Variants in ZAN observed in about 807,000 individuals in gnomAD.
ZAN encodes zonadhesin (gene/pseudogene).
Under a neutral mutation model 286.2 loss-of-function variants are expected in ZAN, and 260 were observed. The ratio of observed to expected loss-of-function variants is 0.91; its 90% CI spans 0.82 to 1.01. The LOEUF (loss-of-function observed/expected upper bound fraction) is 1.01, where lower values mean the gene tolerates loss of function less well. Ranked by LOEUF, ZAN falls within the 50% of genes least tolerant of loss-of-function variation. The pLI, the probability that ZAN is intolerant of heterozygous loss-of-function variation, is 0.00. For synonymous variants in ZAN, 1,368 were observed against 1,417.5 expected (o/e 0.97, Z 0.79); for missense variants, 3,410 against 3,639.2 (o/e 0.94, Z 1.62).
intron 42 of ZAN, among the ~76,000 whole-genome samples, chr7:100,793,616 T>C (rs1239276520): frequency 1.3e-5 from 2 of 152,080 alleles, no homozygotes; most frequent in African/African-American, 4.8e-5. Context: ...TTTTGTATTT[T>C]TAGCAGAGAT....
intron 33 of ZAN, 58 bp downstream of exon 33, chr7:100,775,891 C>T (rs537492019): frequency 2.1e-5 from 33 of 1,587,952 alleles, no homozygotes; most frequent in South Asian, 2.0e-4. Flanking sequence ...GATTGGTGGC[C>T]GGCAGGGATG....
At chr7:100,777,847 C>G (rs778937618) in intron 34 of ZAN, among the ~76,000 whole-genome samples, 5 of 151,974 alleles carry the variant, frequency 3.3e-5, no homozygotes, top group Non-Finnish European at 5.9e-5. Context: ...CCGCCTCGGC[C>G]CCCCAAAGTG....
chr7:100,778,651 C>A (rs1296075531), intron 34 of ZAN, among the ~76,000 whole-genome samples: 1 of 151,858 alleles, frequency 6.6e-6, no homozygotes, highest in East Asian at 1.9e-4. Flanking sequence ...TTGGCCAGAG[C>A]TCAGACCAGC....
In ZAN at chr7:100,797,401, G is replaced by T. The variant is rs747709309; in HGVS notation, c.8302G>T (p.Val2768Leu). The change falls in exon 46 of 48, where the codon GTG becomes TTG. Residue 2768 changes from valine (V) to leucine (L), a missense_variant. Val to Leu is a conservative substitution (Grantham distance 32). Coordinates refer to ENST00000613979, the MANE Select transcript of ZAN (RefSeq NM_003386.3). ...GGTGGGCGTCCTACTGGGACTGCTG[G>T]TGCCTGTGGTGGTCGTACTACTGGC... ...NLVGVLLGLL[V>L]PVVVVLLAVT... 6.2e-7 allele frequency: 1 copy of T among 1,613,876 alleles called. No homozygotes were observed. The highest frequency in any genetic ancestry group is 1.1e-5 in the South Asian group (1 of 91,074).
At position 100,767,202 on chromosome 7, in the gene ZAN, T is replaced by C; in HGVS notation, c.4805T>C (p.Val1602Ala). Residue 1602 changes from valine to alanine, a missense_variant, in exon 25 of 48, where the codon GTC (valine) becomes GCC (alanine). Around this residue, in one of 7 missense-constraint regions of ZAN, gnomAD observed 1,042 missense variants for 1,058.0 expected, o/e 0.98. Coordinates refer to ENST00000613979, the MANE Select transcript of ZAN (RefSeq NM_003386.3). Reference protein sequence around the residue: ...GILEVSYIKAVHVTVFDLSIS... With the variant: ...GILEVSYIKAAHVTVFDLSIS... ...CTGGAGGTCTCCTACATCAAAGCCG[T>C]CCACGTGACAGTCTTTGACCTCAGC... The C allele has an allele frequency of 1.2e-6, 2 of 1,613,226 alleles. No homozygotes were observed. Among genetic ancestry groups the C allele is most frequent in the Non-Finnish European group, 1.7e-6 (2 of 1,179,814 alleles).
rs545704207 is a variant in ZAN, at chr7:100,779,132, G to A, written c.6318-314G>A. Among the ~76,000 whole-genome samples, 76 of 151,954 alleles carry A rather than the reference G, an allele frequency of 5.0e-4. 1 individual carries two copies. Among genetic ancestry groups the A allele is most frequent in the African/African-American group, 1.8e-3 (76 of 41,466 alleles). The stretch of plus-strand genomic sequence containing the variant: ...GCAGGAGAATCGCTTGAACCCGGGA[G>A]GCGGAGGTCTCAGTGAGCCAAGATT... On this transcript the variant is annotated intron_variant, in intron 34 of 47. Coordinates refer to ENST00000613979, the MANE Select transcript of ZAN (RefSeq NM_003386.3).
Position 100,768,651 on chromosome 7 carries a change from G to A in ZAN, c.5083G>A (p.Asp1695Asn), listed in dbSNP as rs751021889. 2.0e-5 allele frequency: 33 copies of A among 1,610,876 alleles called. No homozygotes were observed. Among genetic ancestry groups the A allele is most frequent in the Non-Finnish European group, 2.6e-5 (31 of 1,178,582 alleles). Residue 1695 changes from aspartate to asparagine, a missense_variant, in exon 27 of 48, where the codon GAC (aspartate) becomes AAC (asparagine). Coordinates refer to ENST00000613979, the MANE Select transcript of ZAN (RefSeq NM_003386.3). ...CAGCTTGGATGACAACCTGCGCCCC[G>A]ACAGAAAGCTTGCAGGCGATTCCAT... ...NNSLDDNLRPDRKLAGDSMQL... is the reference protein window; with the variant it reads ...NNSLDDNLRPNRKLAGDSMQL...
At chr7:100,772,693 C>T (rs1358986426) in intron 29 of ZAN, among the ~76,000 whole-genome samples, 22 of 151,224 alleles carry the variant, frequency 1.5e-4, no homozygotes, top group Non-Finnish European at 1.9e-4. Context: ...TGGTGGTGGG[C>T]GCCTGTAGTC....
At chr7:100,753,832 T>TAAAAAAAAAAAAAAAAA (rs59347418) in intron 14 of ZAN, among the ~76,000 whole-genome samples, 1 of 73,174 alleles carries the variant, frequency 1.4e-5, no homozygotes, top group Non-Finnish European at 2.5e-5. Flanking sequence ...GACATCGTCC[T>TAAAAAAAAAAAAAAAAA]AAAAAAAAAA....
rs1311562076 is a variant in ZAN at position 100,765,348 on chromosome 7, C to A, written c.4268-4C>A. On this transcript the variant is annotated splice_polypyrimidine_tract_variant and splice_region_variant and intron_variant, in intron 22 of 47. Coordinates refer to ENST00000613979, the MANE Select transcript of ZAN (RefSeq NM_003386.3). ...CTTCTCACCCAAGCTTCTCCCTCCA[C>A]CAGCAATGGCCTGCCCGCCCAACAG... 5 of 1,613,630 alleles carry A rather than the reference C, an allele frequency of 3.1e-6. No homozygotes were observed. Among genetic ancestry groups the A allele is most frequent in the Non-Finnish European group, 4.2e-6 (5 of 1,179,788 alleles).
intron 25 of ZAN, among the ~76,000 whole-genome samples, chr7:100,767,464 G>GC (rs1414040167): frequency 7.7e-6 from 1 of 130,506 alleles, no homozygotes; most frequent in Non-Finnish European, 1.6e-5. Context: ...CCAGTTTTTT[G>GC]CCGTTTTTTT....
intron 39 of ZAN, among the ~76,000 whole-genome samples, chr7:100,790,741 G>T (rs568105641): frequency 1.6e-4 from 25 of 151,536 alleles, no homozygotes; most frequent in African/African-American, 5.8e-4. Flanking sequence ...AAATTAGCCA[G>T]GCATGGTGGT....
rs1199194726 is a variant in ZAN at position 100,734,177 on chromosome 7, T to C, written c.9T>C (p.Pro3=). Residue 3 remains proline (P), a synonymous_variant, in exon 2 of 48, where the codon CCT becomes CCC. Transcript: ENST00000613979. MV[P]PVWTLLLLVG... ...AACCACTTAGGGTCCTCATGGTTCC[T>C]CCAGTCTGGACTCTGCTGCTTCTGG... 1 of 1,459,452 alleles carries C rather than the reference T, an allele frequency of 6.9e-7. No homozygotes were observed. Among genetic ancestry groups the C allele is most frequent in the Non-Finnish European group, 9.3e-7 (1 of 1,073,480 alleles). The allele number at this position is 1,459,452 out of a possible 1,614,324, so 90.4% of individuals were successfully genotyped here.
rs1357920933 is a variant in ZAN, at chr7:100,768,663, G to A, written c.5095G>A (p.Ala1699Thr). The A allele has an allele frequency of 6.2e-7, 1 of 1,610,380 alleles. No homozygotes were observed. Among genetic ancestry groups the A allele is most frequent in the East Asian group, 2.2e-5 (1 of 44,754 alleles). Reference sequence around the variant, plus strand: ...CAACCTGCGCCCCGACAGAAAGCTTGCAGGCGATTCCATGCAGCTGGGGGC... The same window carrying A: ...CAACCTGCGCCCCGACAGAAAGCTTACAGGCGATTCCATGCAGCTGGGGGC... Reference protein sequence around the residue: ...DDNLRPDRKLAGDSMQLGAAW... With the variant: ...DDNLRPDRKLTGDSMQLGAAW... Residue 1699 changes from alanine to threonine, a missense_variant, in exon 27 of 48, where the codon GCA (alanine) becomes ACA (threonine). Coordinates refer to ENST00000613979, the MANE Select transcript of ZAN (RefSeq NM_003386.3).
Position 100,790,988 on chromosome 7 carries a change from C to A in ZAN, c.7404C>A (p.Cys2468Ter). Residue 2468 changes from cysteine (C) to a stop codon, truncating the protein, a stop_gained, in exon 40 of 48, where the codon TGC becomes TGA. Coordinates refer to ENST00000613979, the MANE Select transcript of ZAN (RefSeq NM_003386.3). LOFTEE classifies it high-confidence loss of function. Reference protein sequence around the residue: ...SMYEGLVSGLCGNYDKNRKND... With the variant: ...SMYEGLVSGL ...ACGAGGGGCTTGTGAGTGGCCTGTG[C>A]GGAAACTACGACAAGAACCGCAAGA... The A allele has an allele frequency of 6.2e-7, 1 of 1,611,652 alleles. No homozygotes were observed. Among genetic ancestry groups the A allele is most frequent in the Non-Finnish European group, 8.5e-7 (1 of 1,179,072 alleles).
chr7:100,785,534 A>C lies in ZAN; in HGVS notation c.6835-463A>C, dbSNP rs1173511311. 5.9e-5 allele frequency among the ~76,000 whole-genome samples: 9 copies of C among 151,960 alleles called. No homozygotes were observed. In the East Asian group the frequency reaches 1.7e-3, roughly 29 times the overall value. On this transcript the variant is annotated intron_variant, in intron 36 of 47. Coordinates refer to ENST00000613979, the MANE Select transcript of ZAN (RefSeq NM_003386.3). ...GTGTGAGCCACCACACTTGGCCTGC[A>C]CAGTTGTCTTTTGGATGACCAAATG...
intron 9 of ZAN, 149 bp downstream of exon 9, chr7:100,747,790 A>G (rs1808335293): frequency 1.3e-6 from 1 of 794,202 alleles, no homozygotes; most frequent in Non-Finnish European, 2.0e-6. Context: ...CAGGAGTTCA[A>G]GACCAGCCTG....
intron 35 of ZAN, among the ~76,000 whole-genome samples, chr7:100,782,674 G>GT (rs149599755): frequency 7.0e-5 from 8 of 113,854 alleles, no homozygotes; most frequent in South Asian, 6.2e-4. Flanking sequence ...ATTTAAGTGG[G>GT]TTTTTTTTGT....
intron 7 of ZAN, among the ~76,000 whole-genome samples, chr7:100,744,686 T>C (rs1049223178): frequency 1.3e-5 from 2 of 151,458 alleles, no homozygotes; most frequent in African/African-American, 2.4e-5. Context: ...ACCAGCCCTC[T>C]CTGCAACCCC....
Sources: allele counts gnomAD v4.1 joint callset (sites outside exome capture counted in the v4.1 genomes callset), GRCh38; gene constraint gnomAD v4.1.1; regional missense constraint gnomAD v4.1.1; transcripts MANE v1.5; gene names NCBI Gene and HGNC (gene_info 2026-07-23, HGNC 2026-07-21).